SCMH1: variants seen among roughly 807,000 people sequenced by gnomAD.
SCMH1 encodes Scm polycomb group protein homolog 1.
In SCMH1, 37 loss-of-function variants were observed where a neutral mutation model predicts 70.8. The observed-to-expected ratio is 0.52, with a 90% CI of 0.40 to 0.69. The LOEUF is 0.69. SCMH1 is among the 30% of genes least tolerant of loss of function. The pLI is 0.00. For missense variants in SCMH1, 607 were observed against 827.3 expected (o/e 0.73, Z 3.27); for synonymous variants, 292 against 307.4 (o/e 0.95, Z 0.52).
intron 10 of SCMH1, among the ~76,000 whole-genome samples, chr1:41,067,627 C>A (rs1031774129): frequency 6.6e-6 from 1 of 152,004 alleles, no homozygotes; most frequent in East Asian, 1.9e-4. Context: ...ATAAACAGAT[C>A]AGTGGTTGCC....
chr1:41,168,534 T>G (rs1037197019), intron 2 of SCMH1, among the ~76,000 whole-genome samples: 1 of 152,182 alleles, frequency 6.6e-6, no homozygotes, highest in Non-Finnish European at 1.5e-5. Flanking sequence ...GTTTGTTATT[T>G]CATTGTTCTT....
chr1:41,151,864 T>C (rs1046715690), intron 4 of SCMH1, among the ~76,000 whole-genome samples, 180 bp from the exon 5 acceptor site: 1 of 152,236 alleles, frequency 6.6e-6, no homozygotes, highest in African/African-American at 2.4e-5. Flanking sequence ...CCTGAGCGGA[T>C]GTTTTAGATT....
At chr1:41,122,484 T>C (rs1415860303) in intron 6 of SCMH1, among the ~76,000 whole-genome samples, 1 of 152,248 alleles carries the variant, frequency 6.6e-6, no homozygotes, top group Admixed American at 6.5e-5. Flanking sequence ...TTAATGTGTA[T>C]GTCTTCTCCA....
At chr1:41,215,763 T>G (rs1657948968) in intron 1 of SCMH1, among the ~76,000 whole-genome samples, 2 of 152,168 alleles carry the variant, frequency 1.3e-5, no homozygotes, top group South Asian at 4.1e-4. Context: ...ATTATTTGTT[T>G]ACCCACCTTT....
intron 5 of SCMH1, among the ~76,000 whole-genome samples, chr1:41,150,566 A>T (rs1476567116): frequency 6.6e-6 from 1 of 152,160 alleles, no homozygotes; most frequent in Non-Finnish European, 1.5e-5. Flanking sequence ...AAATTGTTTC[A>T]GGTGGAAGTA....
chr1:41,110,755 A>T (rs1198486676), intron 8 of SCMH1, among the ~76,000 whole-genome samples: 4 of 152,152 alleles, frequency 2.6e-5, no homozygotes, highest in Non-Finnish European at 4.4e-5. Context: ...ATGAATGTTC[A>T]TTATGTGTTT....
At chr1:41,037,968 A>G (rs1645543332) in intron 12 of SCMH1, 1 of 158,528 alleles carries the variant, frequency 6.3e-6, no homozygotes, top group South Asian at 1.8e-4. Context: ...ATGCTTCTTG[A>G]TGCTTGGTTA....
intron 14 of SCMH1, 106 bp downstream of exon 15, chr1:41,028,478 A>G (rs1363665729): frequency 6.5e-7 from 1 of 1,528,116 alleles, no homozygotes; most frequent in African/African-American, 1.4e-5. Context: ...TGTTCTCCTC[A>G]GCCTTTGTCT....
At chr1:41,103,154 C>CA (rs1667045564) in intron 8 of SCMH1, among the ~76,000 whole-genome samples, 1 of 149,948 alleles carries the variant, frequency 6.7e-6, no homozygotes, top group Admixed American at 6.7e-5. Flanking sequence ...TTCTTTAAGA[C>CA]AGAGTCTCAC....
intron 1 of SCMH1, among the ~76,000 whole-genome samples, chr1:41,192,980 T>A (rs537384451): frequency 6.6e-6 from 1 of 152,336 alleles, no homozygotes; most frequent in East Asian, 1.9e-4. Flanking sequence ...TCTGTTATCA[T>A]AGCATTAAGG....
chr1:41,061,460 G>C lies in SCMH1; in HGVS notation c.1105+9135C>G, dbSNP rs151128027. On this transcript the variant is annotated intron_variant, in intron 10 of 14. Coordinates refer to ENST00000337495, the Ensembl canonical transcript of SCMH1. ...TTAACTTCAGACAGAGTAGAGTTCA[G>C]AGCAAGGAAAATTATCAGGGAAAGA... 1.2e-3 allele frequency among the ~76,000 whole-genome samples: 186 copies of C among 152,240 alleles called. 2 individuals are homozygous for C. The highest frequency in any genetic ancestry group is 3.9e-3 in the African/African-American group (162 of 41,538).
At chr1:41,208,448 TAA>T (rs948791565) in intron 1 of SCMH1, among the ~76,000 whole-genome samples, 22 of 93,166 alleles carry the variant, frequency 2.4e-4, no homozygotes, top group Non-Finnish European at 5.1e-4. Flanking sequence ...AAAAAAAAAA[TAA>T]AAAATAAAAG....
chr1:41,160,741 A>T (rs879798783), intron 4 of SCMH1, 134 bp downstream of exon 4: 1 of 829,966 alleles, frequency 1.2e-6, no homozygotes, highest in Admixed American at 2.2e-5. Context: ...TAGGCAGACA[A>T]GAGCACAGGA....
intron 10 of SCMH1, among the ~76,000 whole-genome samples, chr1:41,069,674 A>G (rs559598059): frequency 6.6e-6 from 1 of 152,320 alleles, no homozygotes; most frequent in South Asian, 2.1e-4. Flanking sequence ...CATTGTATAG[A>G]TTATAAACTG....
At chr1:41,121,981 A>G (rs748877259) in intron 6 of SCMH1, among the ~76,000 whole-genome samples, 1 of 152,094 alleles carries the variant, frequency 6.6e-6, no homozygotes, top group Non-Finnish European at 1.5e-5. Flanking sequence ...CCCACATTTC[A>G]CCATCTCTAC....
intron 1 of SCMH1, among the ~76,000 whole-genome samples, chr1:41,217,618 A>G (rs1658381686): frequency 6.6e-6 from 1 of 152,236 alleles, no homozygotes; most frequent in Admixed American, 6.5e-5. Flanking sequence ...TTGGACCTGC[A>G]TTGCACAGGA....
chr1:41,220,527 G>A (rs928181091), intron 1 of SCMH1, among the ~76,000 whole-genome samples: 1 of 152,158 alleles, frequency 6.6e-6, no homozygotes. Flanking sequence ...TTGAAAGCAG[G>A]AACTATGCTT....
intron 8 of SCMH1, among the ~76,000 whole-genome samples, chr1:41,090,425 T>C (rs1663070426): frequency 6.6e-6 from 1 of 152,120 alleles, no homozygotes; most frequent in South Asian, 2.1e-4. Flanking sequence ...TAATTTTTGG[T>C]TGAAGTTACA....
intron 1 of SCMH1, among the ~76,000 whole-genome samples, chr1:41,230,408 C>T (rs1306433578): frequency 6.6e-6 from 1 of 152,138 alleles, no homozygotes. Context: ...CATCCCAGCA[C>T]TTCAGGAGGC....
Sources: gnomAD v4.1 joint callset for allele counts (sites outside exome capture counted in the v4.1 genomes callset) on GRCh38, gnomAD v4.1.1 for gene constraint, MANE v1.5 for transcripts, NCBI Gene and HGNC (gene_info 2026-07-23, HGNC 2026-07-21) for gene names.